The following USP9Y variants were observed in gnomAD, a reference collection of about 807,000 sequenced individuals.
The protein encoded by USP9Y is ubiquitin carboxyl-terminal hydrolase 9Y.
In USP9Y, 41 loss-of-function variants were observed where a neutral mutation model predicts 53.1. The ratio of observed to expected loss-of-function variants is 0.77; its 90% CI spans 0.60 to 1.00. The LOEUF (loss-of-function observed/expected upper bound fraction) is 1.00. Among genes scored for constraint, USP9Y ranks in the 50% least tolerant of loss-of-function variants. USP9Y has a pLI of 0.00. For missense variants in USP9Y, 567 were observed against 535.8 expected (o/e 1.06, Z -0.58); for synonymous variants, 220 against 173.7 (o/e 1.27, Z -2.09).
chrY:12,793,777 T>A, intron 27 of USP9Y, among the ~76,000 whole-genome samples: 1 of 33,535 alleles, frequency 3.0e-5, no homozygotes, highest in Non-Finnish European at 7.4e-5. Flanking sequence ...GTGTCTAGTT[T>A]GTTAGCTTAG....
Position 12,846,980 on chromosome Y carries a change from C to A in USP9Y, c.6802C>A (p.Pro2268Thr). Residue 2268 changes from proline (P) to threonine (T), a missense_variant, in exon 41 of 46, where the codon CCT (proline) becomes ACT (threonine). Pro to Thr is a conservative substitution (Grantham distance 38). Coordinates refer to ENST00000338981, the MANE Select transcript of USP9Y (RefSeq NM_004654.4). ...TTTCGGTGACCTTAATTTATCACAG[C>A]CTATAATGCCAATTCAGCAGAATGT... ...NPFGDLNLSQ[P>T]IMPIQQNVLD... is the part of the protein sequence containing the mutation. 1 of 397,793 alleles carries A rather than the reference C, an allele frequency of 2.5e-6. No homozygotes were observed. The highest frequency in any genetic ancestry group is 5.9e-4 in the Middle Eastern group (1 of 1,700).
At position 12,856,762 on chromosome Y, in the gene USP9Y, G is replaced by A; in HGVS notation, c.7351G>A (p.Glu2451Lys). The change falls in exon 44 of 46, where the codon GAA (glutamate) becomes AAA (lysine). Residue 2451 changes from glutamate to lysine, a missense_variant. By Grantham distance (56) the Glu-to-Lys change is moderately conservative. Transcript: ENST00000338981. ...NNWSPPVQSN[E>K]TANGYFLERS... Reference sequence around the variant, plus strand: ...TTGGTCTCCTCCAGTACAAAGCAATGAAACAGCAAATGGTTATTTCTTAGA... The same window carrying A: ...TTGGTCTCCTCCAGTACAAAGCAATAAAACAGCAAATGGTTATTTCTTAGA... The A allele has an allele frequency of 2.5e-6, 1 of 396,596 alleles. No individual in the cohort carries two copies. Among genetic ancestry groups the A allele is most frequent in the Non-Finnish European group, 3.5e-6 (1 of 282,808 alleles).
At chrY:12,728,692 A>G in intron 7 of USP9Y, among the ~76,000 whole-genome samples, 18 of 32,696 alleles carry the variant, frequency 5.5e-4, no homozygotes. Flanking sequence ...TATTTCTATA[A>G]TATACATAGT....
chrY:12,786,478 T>A (rs755032829), intron 23 of USP9Y, 44 bp from the exon 24 acceptor site: 11 of 375,387 alleles, frequency 2.9e-5, no homozygotes, highest in South Asian at 3.2e-5. Context: ...AGTTTTTTTT[T>A]AAATCCCTTT....
rs369698678 is a variant in USP9Y at position 12,842,121 on chromosome Y, C to T, written c.6213-119C>T. On this transcript the variant is annotated intron_variant, in intron 37 of 45. Coordinates refer to ENST00000338981, the MANE Select transcript of USP9Y (RefSeq NM_004654.4). ...GATATTTGTACTAAAACCAACTGAC[C>T]GTTAATTGGAGAGAACATCTCAGAT... 8.3e-3 allele frequency: 1,631 copies of T among 197,016 alleles called. No individual in the cohort carries two copies. The East Asian group carries it at 0.092, about 11-fold the overall frequency. 49.1% of individuals were successfully genotyped at this position (197,016 alleles called of 400,897 possible).
At chrY:12,834,825 AT>A (rs2053553886) in intron 34 of USP9Y, among the ~76,000 whole-genome samples, 1 of 33,556 alleles carries the variant, frequency 3.0e-5, no homozygotes, top group Admixed American at 2.8e-4. Context: ...CATCTCTTGG[AT>A]TTTGAAACAT....
At chrY:12,725,644 C>T in intron 6 of USP9Y, among the ~76,000 whole-genome samples, 3 of 33,259 alleles carry the variant, frequency 9.0e-5, no homozygotes, top group Admixed American at 5.5e-4. Context: ...AACTATTTTC[C>T]AGAGTATAAT....
At chrY:12,847,765 A>C (rs1052340809) in intron 42 of USP9Y, among the ~76,000 whole-genome samples, 1 of 31,978 alleles carries the variant, frequency 3.1e-5, no homozygotes, top group South Asian at 7.3e-4. Context: ...CCTCAGAATG[A>C]TAGTTTCCAG....
chrY:12,762,449 T>C (rs2053476312), intron 15 of USP9Y, among the ~76,000 whole-genome samples: 1 of 33,781 alleles, frequency 3.0e-5, no homozygotes, highest in Non-Finnish European at 7.4e-5. Flanking sequence ...CTAGTTGAGT[T>C]CTTGACTGAT....
At chrY:12,773,383 A>G in intron 16 of USP9Y, among the ~76,000 whole-genome samples, 200 bp from the exon 17 acceptor site, 1 of 33,673 alleles carries the variant, frequency 3.0e-5, no homozygotes, top group Non-Finnish European at 7.3e-5. Context: ...GCTGCCTCAT[A>G]TATATTTGTT....
chrY:12,709,138 G>C (rs2053422173), intron 2 of USP9Y, among the ~76,000 whole-genome samples: 1 of 33,508 alleles, frequency 3.0e-5, no homozygotes, highest in Non-Finnish European at 7.4e-5. Flanking sequence ...CTGTTAGTCA[G>C]GCTAGTTGCA....
At chrY:12,777,357 C>T in intron 19 of USP9Y, among the ~76,000 whole-genome samples, 4 of 32,605 alleles carry the variant, frequency 1.2e-4, no homozygotes, top group African/African-American at 2.4e-4. Flanking sequence ...GCATGTGATA[C>T]GAATAATAAT....
At chrY:12,777,358 G>A (rs989147537) in intron 19 of USP9Y, among the ~76,000 whole-genome samples, 13 of 32,659 alleles carry the variant, frequency 4.0e-4, no homozygotes, top group Admixed American at 1.1e-3. Context: ...CATGTGATAC[G>A]AATAATAATC....
At chrY:12,772,825 A>G (rs2148285268) in intron 16 of USP9Y, among the ~76,000 whole-genome samples, 1 of 31,764 alleles carries the variant, frequency 3.1e-5, no homozygotes, top group African/African-American at 1.2e-4. Flanking sequence ...TATTAAATAA[A>G]AACACCACAC....
At chrY:12,782,401 A>G in intron 22 of USP9Y, among the ~76,000 whole-genome samples, 1 of 33,712 alleles carries the variant, frequency 3.0e-5, no homozygotes, top group Admixed American at 2.7e-4. Context: ...GTCAGCAAGC[A>G]ATGAAAACAC....
rs2053474436 is a variant in USP9Y, at chrY:12,760,586, C to G, written c.1869C>G (p.Thr623=). 2.5e-6 allele frequency: 1 copy of G among 396,211 alleles called. No individual in the cohort carries two copies. Among genetic ancestry groups the G allele is most frequent in the East Asian group, 9.3e-5 (1 of 10,722 alleles). ...CTTTGGTAGCAGAAAACCTTGCAAC[C>G]TACATGAATAGCATCAGATTGTATG... is the stretch of plus-strand genomic sequence containing the variant. ...LVTLVAENLA[T]YMNSIRLYAG... The change falls in exon 15 of 46, where the codon ACC becomes ACG. Residue 623 remains threonine (T), a synonymous_variant. Coordinates refer to ENST00000338981, the MANE Select transcript of USP9Y (RefSeq NM_004654.4).
chrY:12,859,489 C>G lies in USP9Y; in HGVS notation c.*73C>G. On this transcript the variant is annotated 3_prime_UTR_variant, in exon 46 of 46. Coordinates refer to ENST00000338981, the MANE Select transcript of USP9Y (RefSeq NM_004654.4). ...TAGTCCAAACTTTCTCTGTGTCTGGCTAGTATTGAAAACTAGATAAACTGC... is the reference window on the plus strand; with the variant it reads ...TAGTCCAAACTTTCTCTGTGTCTGGGTAGTATTGAAAACTAGATAAACTGC... The G allele has an allele frequency of 2.8e-6, 1 of 354,926 alleles. No individual in the cohort carries two copies. The highest frequency in any genetic ancestry group is 4.0e-6 in the Non-Finnish European group (1 of 247,138). 88.5% of individuals were successfully genotyped at this position (354,926 alleles called of 400,897 possible).
intron 7 of USP9Y, among the ~76,000 whole-genome samples, chrY:12,728,727 A>G (rs2053444839): frequency 3.2e-5 from 1 of 31,463 alleles, no homozygotes; most frequent in Non-Finnish European, 7.5e-5. Flanking sequence ...TGTTTCTGCT[A>G]TTAGTTATTT....
At chrY:12,752,172 A>G in intron 12 of USP9Y, among the ~76,000 whole-genome samples, 1 of 33,403 alleles carries the variant, frequency 3.0e-5, no homozygotes, top group Non-Finnish European at 7.4e-5. Context: ...TTTAAATAGT[A>G]GTACGTAAAT....
Sources: allele counts gnomAD v4.1 joint callset (sites outside exome capture counted in the v4.1 genomes callset), GRCh38; gene constraint gnomAD v4.1.1; transcripts MANE v1.5; gene names NCBI Gene and HGNC (gene_info 2026-07-23, HGNC 2026-07-21).